Variants in CSMD2 observed in about 807,000 individuals in gnomAD.
CSMD2 encodes CUB and Sushi multiple domains 2, also known as CUB and sushi domain-containing protein 2.
In CSMD2, 130 loss-of-function variants were observed where a neutral mutation model predicts 398.5. The observed-to-expected ratio is 0.33, with a 90% confidence interval of 0.28 to 0.38. CSMD2 has a LOEUF of 0.38. Among genes scored for constraint, CSMD2 ranks in the 10% least tolerant of loss-of-function variants. The pLI, the probability that CSMD2 is intolerant of heterozygous loss-of-function variation, is 1.00. For synonymous variants in CSMD2, 1,828 were observed against 1,908.5 expected, an observed-to-expected ratio of 0.96 and a Z score of 1.10; for missense variants, 3,829 against 4,764.9, an observed-to-expected ratio of 0.80 and a Z score of 5.78.
At chr1:34,075,847 G>A (rs1571017794) in intron 2 of CSMD2, among the ~76,000 whole-genome samples, 1 of 152,164 alleles carries the variant, frequency 6.6e-6, no homozygotes, top group Non-Finnish European at 1.5e-5. Flanking sequence ...ATCCAGGCAG[G>A]GCTGACACTG....
In CSMD2 at chr1:33,537,660, A is replaced by AT; in HGVS notation, c.9632-52dup. The AT allele has an allele frequency of 6.5e-7, 1 of 1,536,704 alleles. No homozygotes were observed. Among genetic ancestry groups the AT allele is most frequent in the Non-Finnish European group, 8.8e-7 (1 of 1,133,936 alleles). On this transcript the variant is annotated intron_variant, in intron 60 of 70. Transcript: ENST00000373381. The surrounding 1 kb of genome is among the most constrained non-coding windows in gnomAD (Gnocchi z 4.6). ...GGTCTAAGTTGCTTTCCAGAACCCA[A>AT]TCTTCCAGTCCCACACCCCCATCTT...
intron 3 of CSMD2, among the ~76,000 whole-genome samples, chr1:33,970,538 T>A (rs1312955388): frequency 6.6e-6 from 1 of 152,138 alleles, no homozygotes; most frequent in East Asian, 1.9e-4. Flanking sequence ...TCCTGGCACA[T>A]TCCTGCCCCC....
intron 5 of CSMD2, among the ~76,000 whole-genome samples, chr1:33,855,790 C>T (rs954795784): frequency 1.3e-5 from 2 of 152,176 alleles, no homozygotes; most frequent in African/African-American, 2.4e-5. Flanking sequence ...GCCTCAAGAG[C>T]GTGGTGACTA....
intron 10 of CSMD2, among the ~76,000 whole-genome samples, chr1:33,803,271 C>G (rs144261637): frequency 6.6e-6 from 1 of 152,290 alleles, no homozygotes; most frequent in East Asian, 1.9e-4. Context: ...TTCAGTCTTT[C>G]CAAGAAATGT....
intron 10 of CSMD2, among the ~76,000 whole-genome samples, chr1:33,794,842 G>A (rs1053635042): frequency 5.9e-5 from 9 of 151,832 alleles, no homozygotes; most frequent in African/African-American, 9.7e-5. Flanking sequence ...TTGTGGGCCC[G>A]TAGCAAGATC....
intron 22 of CSMD2, 77 bp downstream of exon 22, chr1:33,709,012 C>G: frequency 7.6e-7 from 1 of 1,310,622 alleles, no homozygotes; most frequent in South Asian, 1.5e-5. Flanking sequence ...GGATCATTCA[C>G]ACAGAGACAA....
At chr1:33,789,540 C>G (rs1487210178) in intron 11 of CSMD2, among the ~76,000 whole-genome samples, 4 of 152,190 alleles carry the variant, frequency 2.6e-5, no homozygotes, top group Admixed American at 6.5e-5. Context: ...CAGAAGAAAT[C>G]CAACCTCATT....
intron 53 of CSMD2, among the ~76,000 whole-genome samples, chr1:33,563,602 C>T (rs960328843): frequency 2.0e-5 from 3 of 152,146 alleles, no homozygotes; most frequent in African/African-American, 4.8e-5. Context: ...ACTATACCCA[C>T]AGAAAACAGA....
intron 2 of CSMD2, among the ~76,000 whole-genome samples, chr1:34,039,833 T>TA (rs1448689056): frequency 6.6e-6 from 1 of 152,038 alleles, no homozygotes; most frequent in Non-Finnish European, 1.5e-5. Flanking sequence ...GGCAGGGGGA[T>TA]AGTAGATAAA....
At chr1:34,139,986 A>T (rs1037956585) in intron 1 of CSMD2, among the ~76,000 whole-genome samples, 5 of 152,110 alleles carry the variant, frequency 3.3e-5, no homozygotes, top group Admixed American at 6.5e-5. Context: ...CTTCATATTA[A>T]CTAATGGCCT....
chr1:33,545,010 C>T (rs1018397559), intron 57 of CSMD2, among the ~76,000 whole-genome samples: 1 of 152,098 alleles, frequency 6.6e-6, no homozygotes, highest in Non-Finnish European at 1.5e-5. Flanking sequence ...AAACATGGTC[C>T]CATGCTGACT....
chr1:34,006,434 T>C (rs1341255578), intron 3 of CSMD2, among the ~76,000 whole-genome samples: 1 of 152,108 alleles, frequency 6.6e-6, no homozygotes, highest in Non-Finnish European at 1.5e-5. Flanking sequence ...TCTCATTACC[T>C]GACCCTCTCA....
chr1:34,015,238 AC>A (rs1647921485), intron 3 of CSMD2, among the ~76,000 whole-genome samples: 1 of 152,082 alleles, frequency 6.6e-6, no homozygotes, highest in African/African-American at 2.4e-5. Context: ...GGGGAAGCAC[AC>A]TCGACCTCAC....
chr1:33,895,252 G>A (rs550998659), intron 5 of CSMD2, among the ~76,000 whole-genome samples: 20 of 152,284 alleles, frequency 1.3e-4, no homozygotes, highest in Middle Eastern at 3.4e-3. Flanking sequence ...CCCAAATCCC[G>A]GAGCAGAGCT....
chr1:33,567,493 A>G (rs1659156159), intron 53 of CSMD2, 100 bp downstream of exon 53: 1 of 779,738 alleles, frequency 1.3e-6, no homozygotes, highest in Non-Finnish European at 1.9e-6. Flanking sequence ...ATATATATAT[A>G]TATTTAAAAC....
intron 25 of CSMD2, among the ~76,000 whole-genome samples, chr1:33,680,529 C>A (rs1469161556): frequency 6.6e-6 from 1 of 152,178 alleles, no homozygotes; most frequent in African/African-American, 2.4e-5. Context: ...GCACTCCGCC[C>A]AGGCACCTGA....
At chr1:34,048,855 C>T (rs1027736344) in intron 2 of CSMD2, among the ~76,000 whole-genome samples, 9 of 152,176 alleles carry the variant, frequency 5.9e-5, no homozygotes, top group African/African-American at 2.2e-4. Flanking sequence ...ATATCAGGCC[C>T]TGTCTTTGTG....
At chr1:33,942,664 C>T (rs775098157) in intron 3 of CSMD2, among the ~76,000 whole-genome samples, 41 of 152,200 alleles carry the variant, frequency 2.7e-4, no homozygotes, top group Middle Eastern at 3.2e-3. Flanking sequence ...TGAATCATAA[C>T]GTGAGAAACA....
intron 1 of CSMD2, among the ~76,000 whole-genome samples, chr1:34,110,325 C>G (rs959206802): frequency 1.1e-4 from 16 of 152,054 alleles, no homozygotes; most frequent in Non-Finnish European, 1.9e-4. Context: ...ATCATTCAAC[C>G]CAGCAATCCC....
Sources: gnomAD v4.1 joint callset for allele counts (sites outside exome capture counted in the v4.1 genomes callset) on GRCh38, gnomAD v4.1.1 for gene constraint, Gnocchi (gnomAD v3.1) non-coding constraint, MANE v1.5 for transcripts, NCBI Gene and HGNC (gene_info 2026-07-23, HGNC 2026-07-21) for gene names.